The following PIGS variants were observed in gnomAD, a reference collection of about 807,000 sequenced individuals.
PIGS encodes the protein GPI-anchor transamidase component PIGS.
Under a neutral mutation model 58.2 loss-of-function variants are expected in PIGS, and 37 were observed. That is an observed-to-expected ratio of 0.64 (90% CI 0.49 to 0.84). PIGS has a LOEUF of 0.84. Ranked by LOEUF, PIGS falls within the 40% of genes least tolerant of loss-of-function variation. The pLI is 0.00. For missense variants in PIGS, 629 were observed against 710.8 expected (o/e 0.88, Z 1.31); for synonymous variants, 269 against 289.2 (o/e 0.93, Z 0.71).
intron 10 of PIGS, chr17:28,555,598 T>C (rs889018322): frequency 5.9e-6 from 1 of 168,420 alleles, no homozygotes; most frequent in South Asian, 1.4e-4. Flanking sequence ...TCAGGCAGCA[T>C]AAGAATTAAC....
At chr17:28,566,698 A>G (rs1041237527) in intron 3 of PIGS, among the ~76,000 whole-genome samples, 34 of 151,716 alleles carry the variant, frequency 2.2e-4, no homozygotes, top group African/African-American at 8.2e-4. Flanking sequence ...GGTTCAAGCA[A>G]TTCTCCTGTC....
Position 28,563,810 on chromosome 17 carries a change from T to C in PIGS, c.376+8A>G. ...ACATTAAAATGGTGTGCTCATCCCTTCCCATACCTTGCACACTGCCCGATG... is the reference window on the plus strand; with the variant it reads ...ACATTAAAATGGTGTGCTCATCCCTCCCCATACCTTGCACACTGCCCGATG... On this transcript the variant is annotated splice_region_variant and intron_variant, in intron 4 of 11. Coordinates refer to ENST00000308360, the MANE Select transcript of PIGS (RefSeq NM_033198.4). 6.2e-7 allele frequency: 1 copy of C among 1,608,034 alleles called. No homozygotes were observed. The highest frequency in any genetic ancestry group is 2.2e-5 in the East Asian group (1 of 44,838).
In PIGS at chr17:28,553,479, T is replaced by C. The variant is rs886187030; in HGVS notation, c.*741A>G. The C allele has an allele frequency of 4.6e-5, 7 of 152,580 alleles. No individual in the cohort carries two copies. Among genetic ancestry groups the C allele is most frequent in the African/African-American group, 1.7e-4 (7 of 41,344 alleles). The allele number at this position is 152,580 out of a possible 1,614,324, so 9.5% of individuals were successfully genotyped here. A position where few individuals can be genotyped will look rare whatever the true frequency, so the allele number is the denominator to read the frequency against. On this transcript the variant is annotated 3_prime_UTR_variant, in exon 12 of 12. Transcript: ENST00000308360. Reference sequence around the variant, plus strand: ...TGATCACATTTACTCCTCACAACCATCTTGTAAGGGAGACATCATCAGTGC... The same window carrying C: ...TGATCACATTTACTCCTCACAACCACCTTGTAAGGGAGACATCATCAGTGC...
At chr17:28,557,993 TATCAACAGAGC>T (rs1455140738) in intron 8 of PIGS, among the ~76,000 whole-genome samples, 1 of 152,150 alleles carries the variant, frequency 6.6e-6, no homozygotes, top group Non-Finnish European at 1.5e-5. Context: ...AAGATGGAGA[TATCAACAGAGC>T]ATCATGAAAA....
At chr17:28,567,130 A>G (rs1327110340) in intron 3 of PIGS, among the ~76,000 whole-genome samples, 4 of 152,256 alleles carry the variant, frequency 2.6e-5, no homozygotes, top group African/African-American at 9.6e-5. Context: ...GAGAAACTCT[A>G]AAATATAGAG....
chr17:28,556,871 C>T lies in PIGS; in HGVS notation c.1036G>A (p.Val346Met). The T allele has an allele frequency of 6.2e-7, 1 of 1,614,176 alleles. No homozygotes were observed. The highest frequency in any genetic ancestry group is 1.3e-5 in the African/African-American group (1 of 75,040). ...LYIQDKDGAP[V>M]ATNAFHSPRW... is the part of the protein sequence containing the mutation. ...GGACTATGGAAGGCATTGGTGGCCA[C>T]TGGAGCGCCATCCTTGTCCTGAATG... The change falls in exon 9 of 12, where the codon GTG becomes ATG. Residue 346 changes from valine (V) to methionine (M), a missense_variant. Transcript: ENST00000308360.
chr17:28,554,146 A>C lies in PIGS; in HGVS notation c.*74T>G. The stretch of plus-strand genomic sequence containing the variant: ...TATTTAAGTCATTCCGGCAGGCCCC[A>C]TGTACGTGCCTCACAATCTAACACC... On this transcript the variant is annotated 3_prime_UTR_variant, in exon 12 of 12. Transcript: ENST00000308360. The C allele has an allele frequency of 6.4e-7, 1 of 1,552,238 alleles. No homozygotes were observed. Among genetic ancestry groups the C allele is most frequent in the African/African-American group, 1.4e-5 (1 of 73,282 alleles).
At position 28,553,757 on chromosome 17, in the gene PIGS, T is replaced by G; in HGVS notation, c.*463A>C. The G allele has an allele frequency of 1.9e-5, 3 of 160,180 alleles. No individual in the cohort carries two copies. The highest frequency in any genetic ancestry group is 1.5e-4 in the South Asian group (1 of 6,458). 9.9% of individuals were successfully genotyped at this position (160,180 alleles called of 1,614,324 possible). ...CAAAGCCAACTAGGAGGGAGGGGAG[T>G]GAGGGAGAAGGTCCCACAGGTGACC... On this transcript the variant is annotated 3_prime_UTR_variant, in exon 12 of 12. Coordinates refer to ENST00000308360, the MANE Select transcript of PIGS (RefSeq NM_033198.4).
In PIGS at chr17:28,560,075, C is replaced by A. The variant is rs769829385; in HGVS notation, c.793G>T (p.Ala265Ser). 22 of 1,611,708 alleles carry A rather than the reference C, an allele frequency of 1.4e-5. No homozygotes were observed. Among genetic ancestry groups the A allele is most frequent in the Non-Finnish European group, 1.9e-5 (22 of 1,179,044 alleles). Residue 265 changes from alanine to serine, a missense_variant, in exon 7 of 12, where the codon GCT (alanine) becomes TCT (serine). Ala to Ser is a moderately conservative substitution (Grantham distance 99). Coordinates refer to ENST00000308360, the MANE Select transcript of PIGS (RefSeq NM_033198.4). ...VQPFLNALGA[A>S]GNFSVDSQIL... Reference sequence around the variant, plus strand: ...TGAGAGTCCACAGAGAAGTTGCCAGCGGCACCGAGGGCATTCAGGAAAGGT... The same window carrying A: ...TGAGAGTCCACAGAGAAGTTGCCAGAGGCACCGAGGGCATTCAGGAAAGGT...
At chr17:28,565,050 C>A (rs928635505) in intron 3 of PIGS, among the ~76,000 whole-genome samples, 3 of 152,046 alleles carry the variant, frequency 2.0e-5, no homozygotes, top group African/African-American at 7.2e-5. Flanking sequence ...AGAAAGAAAA[C>A]TTAAAAGTAT....
chr17:28,553,923 C>G lies in PIGS; in HGVS notation c.*297G>C. ...TATGTTGAGAAATGGGGCAAAAGAA[C>G]AAACAGTCCTTGCCACAGAGGGAGA... On this transcript the variant is annotated 3_prime_UTR_variant, in exon 12 of 12. Transcript: ENST00000308360. The G allele has an allele frequency of 2.4e-6, 1 of 419,750 alleles. No homozygotes were observed. The highest frequency in any genetic ancestry group is 2.4e-5 in the South Asian group (1 of 41,400). 26.0% of individuals were successfully genotyped at this position (419,750 alleles called of 1,614,324 possible).
intron 1 of PIGS, 88 bp from the exon 2 acceptor site, chr17:28,571,276 C>T: frequency 1.9e-6 from 3 of 1,547,102 alleles, no homozygotes; most frequent in Non-Finnish European, 2.6e-6. Context: ...AACCACCGGC[C>T]TCCAGGGGCC....
intron 7 of PIGS, 70 bp from the exon 8 acceptor site, chr17:28,558,660 G>C: frequency 7.8e-7 from 1 of 1,288,904 alleles, no homozygotes; most frequent in Non-Finnish European, 1.1e-6. Flanking sequence ...AAAGATTTGA[G>C]GTGCCTTAAA....
chr17:28,554,098 C>A lies in PIGS; in HGVS notation c.*122G>T. On this transcript the variant is annotated 3_prime_UTR_variant, in exon 12 of 12. Coordinates refer to ENST00000308360, the MANE Select transcript of PIGS (RefSeq NM_033198.4). Reference sequence around the variant, plus strand: ...TGTTGTACTTTGGTTGCTGGAGAGCCAACAGTGGAGACTGGAGACAAATAT... The same window carrying A: ...TGTTGTACTTTGGTTGCTGGAGAGCAAACAGTGGAGACTGGAGACAAATAT... 1.5e-6 allele frequency: 2 copies of A among 1,323,888 alleles called. No homozygotes were observed. Among genetic ancestry groups the A allele is most frequent in the South Asian group, 1.4e-5 (1 of 71,200 alleles). 82.0% of individuals were successfully genotyped at this position (1,323,888 alleles called of 1,614,324 possible).
intron 3 of PIGS, among the ~76,000 whole-genome samples, chr17:28,566,722 T>G (rs2070396755): frequency 1.3e-5 from 2 of 151,418 alleles, no homozygotes; most frequent in African/African-American, 4.9e-5. Flanking sequence ...GACTCCAGAG[T>G]AGCTGGGACT....
Position 28,554,045 on chromosome 17 carries a change from A to C in PIGS, c.*175T>G. On this transcript the variant is annotated 3_prime_UTR_variant, in exon 12 of 12. Transcript: ENST00000308360. ...GAGGATTGAGCCAGGTGAATGGGAA[A>C]GGAAGAAAAGATGAACCCATCTTGG... 1.3e-6 allele frequency: 1 copy of C among 789,560 alleles called. No individual in the cohort carries two copies. Among genetic ancestry groups the C allele is most frequent in the Non-Finnish European group, 2.0e-6 (1 of 507,164 alleles). 48.9% of individuals were successfully genotyped at this position (789,560 alleles called of 1,614,324 possible). A position where few individuals can be genotyped will look rare whatever the true frequency, so the allele number is the denominator to read the frequency against.
chr17:28,568,478 T>C (rs923365720), intron 3 of PIGS, among the ~76,000 whole-genome samples: 5 of 152,336 alleles, frequency 3.3e-5, no homozygotes, highest in Middle Eastern at 3.4e-3. Flanking sequence ...GTATCTGACA[T>C]AGCTACAAAG....
intron 11 of PIGS, 60 bp downstream of exon 11, chr17:28,554,791 C>T (rs2070315274): frequency 8.8e-6 from 14 of 1,590,212 alleles, no homozygotes; most frequent in East Asian, 4.5e-5. Flanking sequence ...TCTCACCACA[C>T]TCTGGCCCTC....
chr17:28,565,426 A>G (rs1314167471), intron 3 of PIGS, among the ~76,000 whole-genome samples: 1 of 152,094 alleles, frequency 6.6e-6, no homozygotes, highest in East Asian at 1.9e-4. Context: ...AAAGATGTCA[A>G]CTCTCCCCAA....
Sources: allele counts gnomAD v4.1 joint callset (sites outside exome capture counted in the v4.1 genomes callset), GRCh38; gene constraint gnomAD v4.1.1; transcripts MANE v1.5; gene names NCBI Gene and HGNC (gene_info 2026-07-23, HGNC 2026-07-21).